Variants in SEMA6D observed in about 807,000 individuals in gnomAD.
SEMA6D encodes the protein semaphorin-6D.
A neutral mutation model predicts 106.6 loss-of-function variants in SEMA6D; 35 were observed. The ratio of observed to expected loss-of-function variants is 0.33; its 90% confidence interval spans 0.25 to 0.44. SEMA6D has a LOEUF of 0.44. Among genes scored for constraint, SEMA6D ranks in the 20% least tolerant of loss-of-function variants. The pLI, the probability that SEMA6D is intolerant of heterozygous loss-of-function variation, is 1.00. For synonymous variants in SEMA6D, 499 were observed against 487.7 expected (o/e 1.02, Z -0.31); for missense variants, 1,185 against 1,345.9 (o/e 0.88, Z 1.87).
chr15:47,369,522 C>G (rs769539016), intron 1 of SEMA6D, among the ~76,000 whole-genome samples: 4 of 152,118 alleles, frequency 2.6e-5, no homozygotes, highest in Non-Finnish European at 4.4e-5. Flanking sequence ...TAAATTCTCC[C>G]ATTAAAATTC....
At chr15:47,641,351 C>T (rs964953842) in intron 4 of SEMA6D, among the ~76,000 whole-genome samples, 2 of 152,190 alleles carry the variant, frequency 1.3e-5, no homozygotes, top group East Asian at 1.9e-4. Context: ...GACTGTGACT[C>T]GGGGCCTGTT....
Position 47,635,599 on chromosome 15 carries a change from A to G in SEMA6D, c.-55+34703A>G, listed in dbSNP as rs148563908. 5.3e-5 allele frequency among the ~76,000 whole-genome samples: 8 copies of G among 152,324 alleles called. No homozygotes were observed. In the East Asian group the frequency reaches 1.3e-3, roughly 26 times the overall value. On this transcript the variant is annotated intron_variant, in intron 4 of 19. Coordinates refer to the SEMA6D transcript ENST00000558014. Reference sequence around the variant, plus strand: ...GCCCTGGACTTGCGACTGGCATCGAAAAATGAGAGCAGTCTTATGGGATTG... The same window carrying G: ...GCCCTGGACTTGCGACTGGCATCGAGAAATGAGAGCAGTCTTATGGGATTG...
intron 3 of SEMA6D, among the ~76,000 whole-genome samples, chr15:47,515,173 AC>A (rs1226555713): frequency 6.6e-6 from 1 of 151,356 alleles, no homozygotes; most frequent in African/African-American, 2.4e-5. Context: ...AATATCACTA[AC>A]TCCCTCACCT....
intron 4 of SEMA6D, among the ~76,000 whole-genome samples, chr15:47,675,442 G>A (rs2078224435): frequency 6.6e-6 from 1 of 152,148 alleles, no homozygotes; most frequent in South Asian, 2.1e-4. Flanking sequence ...CCCTGTGAGG[G>A]GCACAGCAGG....
intron 3 of SEMA6D, among the ~76,000 whole-genome samples, chr15:47,534,859 TTCA>T (rs1234643519): frequency 6.6e-6 from 1 of 152,012 alleles, no homozygotes; most frequent in Non-Finnish European, 1.5e-5. Context: ...GAAAAACCCA[TTCA>T]TCATTTACAT....
chr15:47,232,193 T>C (rs1382753219), intron 1 of SEMA6D, among the ~76,000 whole-genome samples: 1 of 152,084 alleles, frequency 6.6e-6, no homozygotes, highest in Non-Finnish European at 1.5e-5. Context: ...CTTCAGTCTC[T>C]CGTATGACTG....
chr15:47,508,151 G>C (rs2044110479), intron 3 of SEMA6D, among the ~76,000 whole-genome samples: 1 of 152,230 alleles, frequency 6.6e-6, no homozygotes, highest in South Asian at 2.1e-4. Flanking sequence ...GACCAAGTCA[G>C]ATTCTCTCTG....
chr15:47,372,782 A>G (rs767407805), intron 1 of SEMA6D, among the ~76,000 whole-genome samples: 1 of 152,174 alleles, frequency 6.6e-6, no homozygotes, highest in Non-Finnish European at 1.5e-5. Context: ...ATACTTATAA[A>G]TGTTATCCTA....
At chr15:47,499,688 A>G in intron 3 of SEMA6D, among the ~76,000 whole-genome samples, 1 of 152,128 alleles carries the variant, frequency 6.6e-6, no homozygotes, top group East Asian at 1.9e-4. Context: ...CCTATTGCTT[A>G]TAGTTTCTTA....
intron 4 of SEMA6D, among the ~76,000 whole-genome samples, chr15:47,671,791 G>A (rs1271330293): frequency 6.6e-6 from 1 of 152,112 alleles, no homozygotes; most frequent in African/African-American, 2.4e-5. Context: ...GCAGCGATAA[G>A]GCTTGGAAAC....
chr15:47,501,566 A>G (rs746867053), intron 3 of SEMA6D, among the ~76,000 whole-genome samples: 1 of 152,186 alleles, frequency 6.6e-6, no homozygotes, highest in Non-Finnish European at 1.5e-5. Context: ...AACTAGGTCT[A>G]TATCTGCCCT....
intron 3 of SEMA6D, among the ~76,000 whole-genome samples, chr15:47,529,025 G>A (rs11070593): frequency 0.5 from 76,706 of 151,998 alleles, 20,918 homozygotes; most frequent in African/African-American, 0.73. Context: ...AATAATAAGG[G>A]TGAGAAAATA....
chr15:47,567,030 A>C (rs1023092805), intron 3 of SEMA6D, among the ~76,000 whole-genome samples: 1 of 152,224 alleles, frequency 6.6e-6, no homozygotes, highest in Non-Finnish European at 1.5e-5. Flanking sequence ...TTGGAAGCTG[A>C]AATTTGTTGT....
chr15:47,745,036 C>A (rs7166162), intron 1 of SEMA6D, among the ~76,000 whole-genome samples: 16 of 152,146 alleles, frequency 1.1e-4, no homozygotes, highest in African/African-American at 3.6e-4. Context: ...TTTTTTACCT[C>A]CCTATTATCT....
chr15:47,402,079 T>C (rs1345534098), intron 1 of SEMA6D, among the ~76,000 whole-genome samples: 1 of 152,218 alleles, frequency 6.6e-6, no homozygotes, highest in East Asian at 1.9e-4. Flanking sequence ...TCTAGGGTGA[T>C]GAAAATGTTC....
intron 1 of SEMA6D, among the ~76,000 whole-genome samples, chr15:47,368,469 TTTA>T (rs913425890): frequency 2.4e-4 from 23 of 96,928 alleles, no homozygotes; most frequent in African/African-American, 7.1e-4. Flanking sequence ...CCTTTATTTA[TTTA>T]TTTATTTATT....
chr15:47,380,935 C>G (rs1016834795), intron 1 of SEMA6D, among the ~76,000 whole-genome samples: 4 of 152,192 alleles, frequency 2.6e-5, no homozygotes, highest in Non-Finnish European at 5.9e-5. Context: ...TCATACTTCA[C>G]CCATGACTCC....
At chr15:47,258,853 GACA>G (rs1238739912) in intron 1 of SEMA6D, among the ~76,000 whole-genome samples, 3 of 151,772 alleles carry the variant, frequency 2.0e-5, no homozygotes, top group Non-Finnish European at 4.4e-5. Context: ...TTATATTTTT[GACA>G]ACATTTTATT....
At chr15:47,469,107 C>T (rs2042750594) in intron 2 of SEMA6D, among the ~76,000 whole-genome samples, 1 of 152,192 alleles carries the variant, frequency 6.6e-6, no homozygotes, top group African/African-American at 2.4e-5. Context: ...TGGGAGCTGT[C>T]TGCCCAGAGG....
Sources: gnomAD v4.1 joint callset for allele counts (sites outside exome capture counted in the v4.1 genomes callset) on GRCh38, gnomAD v4.1.1 for gene constraint, MANE v1.5 for transcripts, NCBI Gene and HGNC (gene_info 2026-07-23, HGNC 2026-07-21) for gene names.